PHTF1: variants seen among roughly 807,000 people sequenced by gnomAD.
PHTF1 encodes protein PHTF1.
Under a neutral mutation model 102.4 loss-of-function variants are expected in PHTF1, and 88 were observed. The ratio of observed to expected loss-of-function variants is 0.86; its 90% CI spans 0.72 to 1.03. The LOEUF is 1.03. Ranked by LOEUF, PHTF1 falls within the 50% of genes least tolerant of loss-of-function variation. The pLI is 0.00. For missense variants in PHTF1, 814 were observed against 909.5 expected, an observed-to-expected ratio of 0.89 and a Z score of 1.35; for synonymous variants, 289 against 305.2, an observed-to-expected ratio of 0.95 and a Z score of 0.55.
chr1:113,711,797 C>A lies in PHTF1; in HGVS notation c.996G>T (p.Arg332=). ...CTGATTCAGCCAGACTATCTGAATC[C>A]CGCACAATATGACACCACCTTGTAG... ...KTTTRWCHIV[R]DSDSLAESEF... The change falls in exon 10 of 19, where the codon CGG becomes CGT. Residue 332 remains arginine (R), a synonymous_variant. Coordinates refer to ENST00000369604, the MANE Select transcript of PHTF1 (RefSeq NM_001323043.2). The A allele has an allele frequency of 6.2e-7, 1 of 1,614,038 alleles. No homozygotes were observed. Among genetic ancestry groups the A allele is most frequent in the African/African-American group, 1.3e-5 (1 of 75,036 alleles).
rs1057013319 is a variant in PHTF1 at position 113,726,405 on chromosome 1, T to C, written c.488+13A>G. On this transcript the variant is annotated intron_variant, in intron 6 of 18. Transcript: ENST00000369604. ...CAGAAAATATACAACTACAGTGTAA[T>C]TTCTCATCTTACCTTCTTCTTCGAT... 1.9e-6 allele frequency: 3 copies of C among 1,581,412 alleles called. No individual in the cohort carries two copies. Among genetic ancestry groups the C allele is most frequent in the Middle Eastern group, 1.7e-4 (1 of 6,024 alleles).
intron 3 of PHTF1, among the ~76,000 whole-genome samples, chr1:113,746,001 G>A (rs1657182754): frequency 6.6e-6 from 1 of 152,170 alleles, no homozygotes; most frequent in African/African-American, 2.4e-5. Flanking sequence ...TGCCAAAAAG[G>A]TTGGGGACTG....
rs1650877932 is a variant in PHTF1, at chr1:113,710,372, T to C, written c.1151A>G (p.Asp384Gly). Residue 384 changes from aspartate (D) to glycine (G), a missense_variant, in exon 11 of 19, where the codon GAC (aspartate) becomes GGC (glycine). Transcript: ENST00000369604. Reference sequence around the variant, plus strand: ...GCACTCTGGGCCATGTAGCAGGTCGTCCCATAACATGTCCTCAGTCTCCGA... The same window carrying C: ...GCACTCTGGGCCATGTAGCAGGTCGCCCCATAACATGTCCTCAGTCTCCGA... ...HDSETEDMLWDDLLHGPECRS... is the reference protein window; with the variant it reads ...HDSETEDMLWGDLLHGPECRS... The C allele has an allele frequency of 6.2e-7, 1 of 1,614,172 alleles. No individual in the cohort carries two copies. Among genetic ancestry groups the C allele is most frequent in the East Asian group, 2.2e-5 (1 of 44,872 alleles).
At chr1:113,736,624 T>G (rs1293363436) in intron 5 of PHTF1, among the ~76,000 whole-genome samples, 2 of 151,206 alleles carry the variant, frequency 1.3e-5, no homozygotes, top group African/African-American at 4.9e-5. Flanking sequence ...CGCACACCTG[T>G]ATCCCAGCTA....
intron 11 of PHTF1, among the ~76,000 whole-genome samples, chr1:113,709,696 A>G (rs1386521058): frequency 3.9e-5 from 6 of 152,166 alleles, no homozygotes; most frequent in Admixed American, 3.9e-4. Context: ...TAGCTATTTC[A>G]CACTATTCCT....
At chr1:113,725,469 T>G (rs907995798) in intron 6 of PHTF1, 1 of 152,208 alleles carries the variant, frequency 6.6e-6, no homozygotes, top group Non-Finnish European at 1.5e-5. Context: ...TCATTGCACC[T>G]AATGGAAAAT....
At chr1:113,724,512 G>C (rs988891241) in intron 7 of PHTF1, among the ~76,000 whole-genome samples, 2 of 146,576 alleles carry the variant, frequency 1.4e-5, no homozygotes, top group African/African-American at 5.1e-5. Context: ...TTGCACTCCA[G>C]CCTGGGTGAG....
Position 113,710,325 on chromosome 1 carries a change from T to C in PHTF1, c.1198A>G (p.Ser400Gly), listed in dbSNP as rs780247544. The C allele has an allele frequency of 3.7e-6, 6 of 1,614,056 alleles. No homozygotes were observed. The East Asian group carries it at 1.3e-4, about 36-fold the overall frequency. ...AGGGTATTCACATGGGCCCCCTCAC[T>C]GTCACTGGTGACAGATGACCGGCAC... ...PECRSSVTSD[S>G]EGAHVNTLHS... The change falls in exon 11 of 19, where the codon AGT becomes GGT. Residue 400 changes from serine (S) to glycine (G), a missense_variant. Coordinates refer to ENST00000369604, the MANE Select transcript of PHTF1 (RefSeq NM_001323043.2).
intron 5 of PHTF1, among the ~76,000 whole-genome samples, chr1:113,728,019 G>A (rs1234604768): frequency 1.3e-5 from 2 of 152,032 alleles, no homozygotes; most frequent in Non-Finnish European, 2.9e-5. Context: ...GGACAAATGG[G>A]GTCACATCAA....
chr1:113,753,366 A>G (rs765422303), intron 3 of PHTF1, among the ~76,000 whole-genome samples: 3 of 152,078 alleles, frequency 2.0e-5, no homozygotes, highest in African/African-American at 7.2e-5. Context: ...CTCATGCTTC[A>G]GATCTCATTT....
chr1:113,721,157 G>A (rs933875327), intron 7 of PHTF1, among the ~76,000 whole-genome samples: 3 of 152,056 alleles, frequency 2.0e-5, no homozygotes, highest in Non-Finnish European at 4.4e-5. Context: ...CATTCATCAC[G>A]ACCAAGTAGG....
At chr1:113,723,750 G>A (rs369289270) in intron 7 of PHTF1, among the ~76,000 whole-genome samples, 1 of 152,114 alleles carries the variant, frequency 6.6e-6, no homozygotes, top group African/African-American at 2.4e-5. Flanking sequence ...ACAAGCACAG[G>A]CAACCAAAGC....
chr1:113,754,210 A>T (rs1658519208), intron 3 of PHTF1, among the ~76,000 whole-genome samples: 2 of 152,158 alleles, frequency 1.3e-5, no homozygotes, highest in African/African-American at 2.4e-5. Flanking sequence ...CAGGAATTCG[A>T]GACCAGCCTG....
chr1:113,747,874 G>A (rs191731520), intron 3 of PHTF1, among the ~76,000 whole-genome samples: 8 of 152,238 alleles, frequency 5.3e-5, no homozygotes, highest in South Asian at 4.1e-4. Context: ...TACATGATCC[G>A]TTTTGATCCT....
chr1:113,726,684 A>C (rs769633953), intron 5 of PHTF1, 110 bp from the exon 6 acceptor site: 2 of 712,662 alleles, frequency 2.8e-6, no homozygotes, highest in Non-Finnish European at 4.3e-6. Flanking sequence ...AAAAGTACAC[A>C]AATAAATAGT....
chr1:113,757,501 C>T (rs1469737947), intron 3 of PHTF1, among the ~76,000 whole-genome samples, 198 bp downstream of exon 3: 2 of 152,212 alleles, frequency 1.3e-5, no homozygotes, highest in African/African-American at 4.8e-5. Context: ...TAGAACAACT[C>T]ACTCCTTTCT....
At chr1:113,756,175 G>A (rs1658849815) in intron 3 of PHTF1, among the ~76,000 whole-genome samples, 1 of 151,924 alleles carries the variant, frequency 6.6e-6, no homozygotes, top group Non-Finnish European at 1.5e-5. Flanking sequence ...CTTCTATGCT[G>A]TTTCCATTAC....
At position 113,721,699 on chromosome 1, in the gene PHTF1, CT is replaced by C. The variant is rs546788470; in HGVS notation, c.623+3059del. On this transcript the variant is annotated intron_variant, in intron 7 of 18. Transcript: ENST00000369604. ...ATTGACATAAAAATCAATAGCATTT[CT>C]TTTTTTTGAGACAGAGTCTTGCTCT... 3.7e-3 allele frequency among the ~76,000 whole-genome samples: 563 copies of C among 151,990 alleles called. 2 individuals are homozygous for C. The highest frequency in any genetic ancestry group is 0.013 in the African/African-American group (540 of 41,490).
intron 3 of PHTF1, chr1:113,746,994 T>C: frequency 6.3e-6 from 1 of 158,758 alleles, no homozygotes; most frequent in Non-Finnish European, 1.4e-5. Context: ...ATTTAGCCTT[T>C]CTATGCCTCA....
Sources: allele counts gnomAD v4.1 joint callset (sites outside exome capture counted in the v4.1 genomes callset), GRCh38; gene constraint gnomAD v4.1.1; transcripts MANE v1.5; gene names NCBI Gene and HGNC (gene_info 2026-07-23, HGNC 2026-07-21).